Variants in XPO5 observed in about 807,000 individuals in gnomAD.
The protein encoded by XPO5 is exportin-5.
Under a neutral mutation model 160.6 loss-of-function variants are expected in XPO5, and 46 were observed. The ratio of observed to expected loss-of-function variants is 0.29; its 90% CI spans 0.23 to 0.37. XPO5 has a LOEUF of 0.37. Among genes scored for constraint, XPO5 ranks in the 10% least tolerant of loss-of-function variants. XPO5 has a pLI of 1.00. For missense variants in XPO5, 1,090 were observed against 1,463.9 expected, an observed-to-expected ratio of 0.74 and a Z score of 4.17; for synonymous variants, 537 against 519.3, an observed-to-expected ratio of 1.03 and a Z score of -0.46.
chr6:43,554,852 G>T (rs1192316924), intron 13 of XPO5: 1 of 151,838 alleles, frequency 6.6e-6, no homozygotes, highest in East Asian at 1.9e-4. Flanking sequence ...AGAGTCAATT[G>T]TAAATAAAGC....
At chr6:43,526,208 C>A in intron 27 of XPO5, 1 of 446,388 alleles carries the variant, frequency 2.2e-6, no homozygotes. Context: ...GAGCACCAGA[C>A]ACTGATTTAG....
Position 43,548,274 on chromosome 6 carries a change from G to C in XPO5, c.2047C>G (p.Gln683Glu), listed in dbSNP as rs761776637. 11 of 1,609,978 alleles carry C rather than the reference G, an allele frequency of 6.8e-6. No individual in the cohort carries two copies. Among genetic ancestry groups the C allele is most frequent in the Non-Finnish European group, 8.5e-6 (10 of 1,177,666 alleles). Residue 683 changes from glutamine to glutamate, a missense_variant, in exon 18 of 32, where the codon CAA becomes GAA. Gln to Glu is a conservative substitution (Grantham distance 29, BLOSUM62 2). Coordinates refer to ENST00000265351, the MANE Select transcript of XPO5 (RefSeq NM_020750.3). Reference sequence around the variant, plus strand: ...GATCTCCTTTACCTGTGCATGTCTTGAGAAAGCCAGATGCTGGCCACTGGT... The same window carrying C: ...GATCTCCTTTACCTGTGCATGTCTTCAGAAAGCCAGATGCTGGCCACTGGT... ...MAPVASIWLS[Q>E]DMHRVLSDVD...
intron 6 of XPO5, 82 bp from the exon 7 acceptor site, chr6:43,567,436 T>C: frequency 7.8e-7 from 1 of 1,273,910 alleles, no homozygotes; most frequent in Non-Finnish European, 1.1e-6. Flanking sequence ...ACTCCCATTT[T>C]CTAATTCTAA....
intron 31 of XPO5, among the ~76,000 whole-genome samples, 167 bp from the exon 32 acceptor site, chr6:43,524,172 A>G (rs1793383786): frequency 1.3e-5 from 2 of 152,058 alleles, no homozygotes; most frequent in South Asian, 4.1e-4. Context: ...ACCGACATGG[A>G]GAAACCCCGT....
intron 20 of XPO5, among the ~76,000 whole-genome samples, chr6:43,541,374 C>A (rs1257685364): frequency 1.3e-5 from 2 of 152,014 alleles, no homozygotes; most frequent in Non-Finnish European, 2.9e-5. Flanking sequence ...ATCTTATGTA[C>A]CCCATAAATA....
At chr6:43,553,668 A>G in intron 13 of XPO5, 165 bp from the exon 14 acceptor site, 2 of 1,378,752 alleles carry the variant, frequency 1.5e-6, no homozygotes, top group South Asian at 1.7e-5. Flanking sequence ...GGGGCAAAGA[A>G]AAGATGATGT....
chr6:43,556,541 A>T (rs1286440051), intron 12 of XPO5, among the ~76,000 whole-genome samples: 3 of 151,998 alleles, frequency 2.0e-5, no homozygotes, highest in African/African-American at 7.2e-5. Flanking sequence ...AAAAAAAAAA[A>T]ATTTTTAAAA....
chr6:43,546,298 G>T (rs1459860500), intron 20 of XPO5, among the ~76,000 whole-genome samples: 1 of 152,244 alleles, frequency 6.6e-6, no homozygotes, highest in South Asian at 2.1e-4. Flanking sequence ...TAGGGATGAA[G>T]TATAAAGAAA....
intron 12 of XPO5, among the ~76,000 whole-genome samples, chr6:43,556,965 T>C (rs1762123058): frequency 6.6e-6 from 1 of 151,780 alleles, no homozygotes; most frequent in African/African-American, 2.4e-5. Context: ...CAGTCTCTAC[T>C]AAAAATAAAA....
intron 7 of XPO5, 90 bp downstream of exon 7, chr6:43,567,079 T>C: frequency 7.2e-7 from 1 of 1,397,594 alleles, no homozygotes; most frequent in Non-Finnish European, 9.5e-7. Context: ...ACCCAAACCT[T>C]TAAATGACTT....
intron 11 of XPO5, among the ~76,000 whole-genome samples, chr6:43,559,344 C>T (rs1762281931): frequency 6.6e-6 from 1 of 152,144 alleles, no homozygotes; most frequent in Non-Finnish European, 1.5e-5. Flanking sequence ...AGGCAAATTC[C>T]TTAAGAAAAT....
rs1318390475 is a variant in XPO5 at position 43,572,672 on chromosome 6, A to T, written c.228-94T>A. 3.2e-6 allele frequency: 4 copies of T among 1,268,604 alleles called. No individual in the cohort carries two copies. The East Asian group carries it at 9.3e-5, about 30-fold the overall frequency. The allele number at this position is 1,268,604 out of a possible 1,614,324, so 78.6% of individuals were successfully genotyped here. On this transcript the variant is annotated intron_variant, in intron 2 of 31. Coordinates refer to ENST00000265351, the MANE Select transcript of XPO5 (RefSeq NM_020750.3). ...GGATTTCTACATTTGATTACACTGG[A>T]GATTTCATTAAGAAATTATACTTTT... is the stretch of plus-strand genomic sequence containing the variant.
At chr6:43,556,572 A>T (rs1478130867) in intron 12 of XPO5, among the ~76,000 whole-genome samples, 2 of 152,104 alleles carry the variant, frequency 1.3e-5, no homozygotes, top group Non-Finnish European at 2.9e-5. Context: ...GTTGGTGGTA[A>T]TAAAAAATGG....
intron 7 of XPO5, among the ~76,000 whole-genome samples, chr6:43,566,040 T>C (rs1762679083): frequency 6.6e-6 from 1 of 152,182 alleles, no homozygotes; most frequent in Admixed American, 6.5e-5. Context: ...GCGGAACAAC[T>C]GAGATCAGGA....
rs574847520 is a variant in XPO5 at position 43,524,068 on chromosome 6, T to G, written c.3478-63A>C. ...CTCAGTAGTAGTTAAAAGATTCTCT[T>G]GGCCCGGCGCAGTGGCTCGCGCCTG... is the stretch of plus-strand genomic sequence containing the variant. On this transcript the variant is annotated intron_variant, in intron 31 of 31. Transcript: ENST00000265351. 154 of 1,575,430 alleles carry G rather than the reference T, an allele frequency of 9.8e-5. 2 individuals are homozygous for G. The African/African-American group carries it at 1.8e-3, about 19-fold the overall frequency.
chr6:43,525,547 T>A (rs565838064), intron 28 of XPO5: 3 of 518,294 alleles, frequency 5.8e-6, no homozygotes, highest in African/African-American at 3.8e-5. Flanking sequence ...AGAAAACCTG[T>A]ATGTGTAGGA....
rs1393079566 is a variant in XPO5, at chr6:43,525,930, AG to A, written c.2984-10del. On this transcript the variant is annotated splice_polypyrimidine_tract_variant and intron_variant, in intron 27 of 31. Transcript: ENST00000265351. Reference sequence around the variant, plus strand: ...GGCCATCATTTCTTCATCTGTTATCAGAGAGTAGAATGTTAAGCTCCATCCT... The same window carrying A: ...GGCCATCATTTCTTCATCTGTTATCAAGAGTAGAATGTTAAGCTCCATCCT... 16 of 1,613,658 alleles carry A rather than the reference AG, an allele frequency of 9.9e-6. No individual in the cohort carries two copies. The highest frequency in any genetic ancestry group is 1.4e-5 in the Non-Finnish European group (16 of 1,179,780).
chr6:43,555,455 C>T (rs918648572), intron 13 of XPO5: 14 of 159,894 alleles, frequency 8.8e-5, no homozygotes, highest in Non-Finnish European at 1.2e-4. Context: ...GAGATCCTTT[C>T]TGATTTCAGG....
intron 23 of XPO5, chr6:43,529,378 TAA>T (rs35493258): frequency 0.071 from 8,385 of 117,932 alleles, 2 homozygotes; most frequent in South Asian, 0.11. Context: ...CCGTCTCTAC[TAA>T]AAAAAAAAAA....
Sources: allele counts gnomAD v4.1 joint callset (sites outside exome capture counted in the v4.1 genomes callset), GRCh38; gene constraint gnomAD v4.1.1; transcripts MANE v1.5; gene names NCBI Gene and HGNC (gene_info 2026-07-23, HGNC 2026-07-21).